The following MAN2B2 variants were observed in gnomAD, a reference collection of about 807,000 sequenced individuals.
MAN2B2 encodes the protein mannosidase alpha class 2B member 2.
Under a neutral mutation model 117.1 loss-of-function variants are expected in MAN2B2, and 106 were observed. The observed-to-expected ratio is 0.90, with a 90% CI of 0.77 to 1.06. The LOEUF is 1.06. Ranked by LOEUF, MAN2B2 falls within the 50% of genes least tolerant of loss-of-function variation. The pLI is 0.00. For synonymous variants in MAN2B2, 544 were observed against 595.1 expected (o/e 0.91, Z 1.25); for missense variants, 1,326 against 1,381.4 (o/e 0.96, Z 0.64).
intron 1 of MAN2B2, among the ~76,000 whole-genome samples, 195 bp from the exon 2 acceptor site, chr4:6,576,383 C>G (rs1320877114): frequency 6.6e-6 from 1 of 152,204 alleles, no homozygotes; most frequent in African/African-American, 2.4e-5. Context: ...TCCCTCTCCC[C>G]CAGGAGAGCA....
At chr4:6,610,330 T>C (rs1727723002) in intron 13 of MAN2B2, among the ~76,000 whole-genome samples, 1 of 152,076 alleles carries the variant, frequency 6.6e-6, no homozygotes, top group African/African-American at 2.4e-5. Context: ...CTAATTTTTA[T>C]ATTTTTAGTA....
chr4:6,596,178 G>T (rs566138225), intron 7 of MAN2B2, among the ~76,000 whole-genome samples: 2 of 144,750 alleles, frequency 1.4e-5, no homozygotes, highest in South Asian at 4.2e-4. Context: ...GCGGGTGTGG[G>T]TGGGCGTGGC....
chr4:6,614,497 G>A, intron 16 of MAN2B2, 142 bp downstream of exon 16: 3 of 1,035,054 alleles, frequency 2.9e-6, no homozygotes, highest in East Asian at 2.6e-5. Context: ...GGCACATGGG[G>A]AGAGTGAGGC....
intron 10 of MAN2B2, among the ~76,000 whole-genome samples, chr4:6,603,757 T>C (rs1727424639): frequency 6.6e-6 from 1 of 151,118 alleles, no homozygotes; most frequent in African/African-American, 2.4e-5. Context: ...ATGACCACCG[T>C]GAGGGGGACA....
chr4:6,611,115 C>T lies in MAN2B2; in HGVS notation c.2400C>T (p.Asn800=), dbSNP rs766502206. The change falls in exon 15 of 19, where the codon AAC becomes AAT. Residue 800 remains asparagine (N), a synonymous_variant. Coordinates refer to ENST00000285599, the MANE Select transcript of MAN2B2 (RefSeq NM_015274.3). ...EVMLHRRLWN[N]FDWDLGYNLT... Reference sequence around the variant, plus strand: ...TGCTCCACCGGCGGCTGTGGAACAACTTCGACTGGGACCTGGGCTACAACC... The same window carrying T: ...TGCTCCACCGGCGGCTGTGGAACAATTTCGACTGGGACCTGGGCTACAACC... 38 of 1,613,608 alleles carry T rather than the reference C, an allele frequency of 2.4e-5. No homozygotes were observed. The South Asian group carries it at 2.7e-4, about 12-fold the overall frequency.
At position 6,597,168 on chromosome 4, in the gene MAN2B2, G is replaced by C. The variant is rs775135185; in HGVS notation, c.1113G>C (p.Leu371=). The C allele has an allele frequency of 6.2e-7, 1 of 1,612,994 alleles. No individual in the cohort carries two copies. Among genetic ancestry groups the C allele is most frequent in the South Asian group, 1.1e-5 (1 of 91,038 alleles). The stretch of plus-strand genomic sequence containing the variant: ...CGTCCCGCAGCTCACTGAAGGGGCT[G>C]GCCCGGCGAGCCAGCGCCTTGTTGT... ...FYTSRSSLKG[L]ARRASALLYA... The change falls in exon 8 of 19, where the codon CTG becomes CTC. Residue 371 remains leucine (L), a synonymous_variant. Coordinates refer to ENST00000285599, the MANE Select transcript of MAN2B2 (RefSeq NM_015274.3).
intron 3 of MAN2B2, among the ~76,000 whole-genome samples, chr4:6,584,653 C>T (rs1726564105): frequency 1.3e-5 from 2 of 152,210 alleles, no homozygotes; most frequent in Non-Finnish European, 2.9e-5. Flanking sequence ...CTTAAGTTCT[C>T]TTTTCCTGTT....
Position 6,593,033 on chromosome 4 carries a change from G to A in MAN2B2, c.681-140G>A, listed in dbSNP as rs1230989519. 50 of 749,522 alleles carry A rather than the reference G, an allele frequency of 6.7e-5. No individual in the cohort carries two copies. The East Asian group carries it at 1.5e-3, about 22-fold the overall frequency. 46.4% of individuals were successfully genotyped at this position (749,522 alleles called of 1,614,324 possible). On this transcript the variant is annotated intron_variant, in intron 5 of 18. Coordinates refer to ENST00000285599, the MANE Select transcript of MAN2B2 (RefSeq NM_015274.3). ...GCAAACAAATCTGTGACCCACCGTC[G>A]GTCATGGAGTGGGAGAATTCAGTCT...
At chr4:6,604,020 C>T (rs1397560336) in intron 10 of MAN2B2, among the ~76,000 whole-genome samples, 7 of 152,204 alleles carry the variant, frequency 4.6e-5, no homozygotes, top group Non-Finnish European at 8.8e-5. Flanking sequence ...GGAGGGTTAA[C>T]CTGGAAAAGT....
In MAN2B2 at chr4:6,623,313, T is replaced by G. The variant is rs1712251833; in HGVS notation, c.*2028T>G. 6.8e-6 allele frequency: 1 copy of G among 147,984 alleles called. No homozygotes were observed. Among genetic ancestry groups the G allele is most frequent in the Non-Finnish European group, 1.5e-5 (1 of 67,628 alleles). The allele number at this position is 147,984 out of a possible 1,614,324, so 9.2% of individuals were successfully genotyped here. A position where few individuals can be genotyped will look rare whatever the true frequency, so the allele number is the denominator to read the frequency against. On this transcript the variant is annotated 3_prime_UTR_variant, in exon 19 of 19. Coordinates refer to ENST00000285599, the MANE Select transcript of MAN2B2 (RefSeq NM_015274.3). ...GCGGAGGAGACCTCCGCCTCTGCAC[T>G]CCAGCCTGGGTGACAAGAGTGAGAC...
At chr4:6,614,417 G>GGGCCCACCACCAGAC in intron 16 of MAN2B2, 62 bp downstream of exon 16, 5 of 1,582,382 alleles carry the variant, frequency 3.2e-6, no homozygotes, top group Non-Finnish European at 4.3e-6. Context: ...ACAGGCCACC[G>GGGCCCACCACCAGAC]GGCCCACCAC....
chr4:6,578,631 A>C, intron 3 of MAN2B2, 133 bp downstream of exon 3: 1 of 683,266 alleles, frequency 1.5e-6, no homozygotes, highest in Non-Finnish European at 2.5e-6. Context: ...CAGTGAAAGC[A>C]GTGATTTGCT....
intron 5 of MAN2B2, among the ~76,000 whole-genome samples, chr4:6,592,122 C>G (rs951260107): frequency 6.6e-6 from 1 of 152,214 alleles, no homozygotes. Context: ...GCACTCTGCC[C>G]TGGCCAGGTG....
intron 15 of MAN2B2, among the ~76,000 whole-genome samples, chr4:6,612,916 G>T (rs111816934): frequency 2.6e-5 from 4 of 152,206 alleles, no homozygotes; most frequent in Non-Finnish European, 5.9e-5. Context: ...TGGAGCCCTC[G>T]TGAGGCTGTC....
At chr4:6,615,114 G>C (rs1405177463) in intron 16 of MAN2B2, among the ~76,000 whole-genome samples, 1 of 152,250 alleles carries the variant, frequency 6.6e-6, no homozygotes, top group East Asian at 1.9e-4. Context: ...CGAGGAAAAG[G>C]GTGGGGCGCA....
intron 16 of MAN2B2, among the ~76,000 whole-genome samples, chr4:6,616,457 C>T (rs1711879231): frequency 6.6e-6 from 1 of 152,154 alleles, no homozygotes; most frequent in Admixed American, 6.5e-5. Flanking sequence ...AGTATATATT[C>T]ATTTCTCCCC....
rs116605320 is a variant in MAN2B2, at chr4:6,592,504, G to A, written c.681-669G>A. Among the ~76,000 whole-genome samples the A allele has an allele frequency of 7.9e-3, 1,202 of 152,306 alleles. 13 individuals carry two copies. The highest frequency in any genetic ancestry group is 0.026 in the African/African-American group (1,094 of 41,566). On this transcript the variant is annotated intron_variant, in intron 5 of 18. Transcript: ENST00000285599. ...CATGGTGGTAGTCCCAGCTCCTGGG[G>A]AGGCTGAGGCGATGGCTTGAGCCCG... is the stretch of plus-strand genomic sequence containing the variant.
intron 12 of MAN2B2, 34 bp from the exon 13 acceptor site, chr4:6,609,764 G>T (rs773144158): frequency 5.0e-6 from 8 of 1,603,458 alleles, no homozygotes. Context: ...AAGGTTCCTG[G>T]AGCTTCACTT....
In MAN2B2 at chr4:6,578,423, G is replaced by A. The variant is rs1726152827; in HGVS notation, c.316G>A (p.Glu106Lys). 1 of 1,613,566 alleles carries A rather than the reference G, an allele frequency of 6.2e-7. No individual in the cohort carries two copies. Among genetic ancestry groups the A allele is most frequent in the South Asian group, 1.1e-5 (1 of 91,012 alleles). The change falls in exon 3 of 19, where the codon GAA (glutamate) becomes AAA (lysine). Residue 106 changes from glutamate (E) to lysine (K), a missense_variant. Physicochemically the swap from Glu to Lys is moderately conservative, Grantham distance 56. Transcript: ENST00000285599. ...VRQLLEEGRLEFVIGGQVMHD... is the reference protein window; with the variant it reads ...VRQLLEEGRLKFVIGGQVMHD... ...CCAGCTCCTGGAGGAAGGACGCCTG[G>A]AATTTGTCATCGGAGGCCAGGTCAT...
Sources: gnomAD v4.1 joint callset for allele counts (sites outside exome capture counted in the v4.1 genomes callset) on GRCh38, gnomAD v4.1.1 for gene constraint, MANE v1.5 for transcripts, NCBI Gene and HGNC (gene_info 2026-07-23, HGNC 2026-07-21) for gene names.